The following LTN1 variants were observed in gnomAD, a reference collection of about 807,000 sequenced individuals.
LTN1 encodes listerin E3 ubiquitin protein ligase 1.
Under a neutral mutation model 201.2 loss-of-function variants are expected in LTN1, and 88 were observed. The ratio of observed to expected loss-of-function variants is 0.44; its 90% confidence interval spans 0.37 to 0.52. LTN1 has a LOEUF of 0.52. Among genes scored for constraint, LTN1 ranks in the 20% least tolerant of loss-of-function variants. LTN1 has a pLI of 0.00. For missense variants in LTN1, 1,752 were observed against 2,038.7 expected (o/e 0.86, Z 2.71); for synonymous variants, 645 against 713.5 (o/e 0.90, Z 1.53).
At chr21:28,961,313 T>G (rs188055831) in intron 11 of LTN1, 1 of 153,324 alleles carries the variant, frequency 6.5e-6, no homozygotes, top group African/African-American at 2.4e-5. Flanking sequence ...TAATGGTAAA[T>G]TACTTCAATA....
chr21:28,980,276 G>A (rs1041534897), intron 6 of LTN1, among the ~76,000 whole-genome samples: 13 of 151,144 alleles, frequency 8.6e-5, no homozygotes, highest in African/African-American at 1.5e-4. Flanking sequence ...AGTTAGATAC[G>A]CTTTATCCAG....
rs1340327076 is a variant in LTN1, at chr21:28,943,779, C to T, written c.4108G>A (p.Asp1370Asn). The T allele has an allele frequency of 3.7e-6, 6 of 1,613,598 alleles. No individual in the cohort carries two copies. Among genetic ancestry groups the T allele is most frequent in the Non-Finnish European group, 4.2e-6 (5 of 1,179,808 alleles). ...TATTCTGGTAAGTTTGTTTTTTGGTCAGCAACTAATCTTGCAGGAAGTTTG... is the reference window on the plus strand; with the variant it reads ...TATTCTGGTAAGTTTGTTTTTTGGTTAGCAACTAATCTTGCAGGAAGTTTG... ...SHKLPARLVA[D>N]QKTNLPEYLQ... is the part of the protein sequence containing the mutation. Residue 1370 changes from aspartate to asparagine, a missense_variant, in exon 23 of 30, where the codon GAC becomes AAC. Physicochemically the swap from Asp to Asn is conservative, Grantham distance 23. Coordinates refer to ENST00000361371, the MANE Select transcript of LTN1 (RefSeq NM_015565.3).
intron 25 of LTN1, among the ~76,000 whole-genome samples, chr21:28,937,334 T>C (rs748883341): frequency 3.9e-5 from 6 of 152,234 alleles, no homozygotes; most frequent in Non-Finnish European, 7.3e-5. Context: ...ATTTCTACTA[T>C]ATCACATATC....
In LTN1 at chr21:28,965,920, A is replaced by G. The variant is rs1433624657; in HGVS notation, c.2122-14T>C. The G allele has an allele frequency of 2.6e-6, 4 of 1,515,430 alleles. No individual in the cohort carries two copies. The highest frequency in any genetic ancestry group is 2.8e-5 in the African/African-American group (2 of 71,582). The allele number at this position is 1,515,430 out of a possible 1,614,324, so 93.9% of individuals were successfully genotyped here. On this transcript the variant is annotated splice_polypyrimidine_tract_variant and intron_variant, in intron 10 of 29. Transcript: ENST00000361371. Reference sequence around the variant, plus strand: ...TTTCAAGTCCACCTGAAAAAAGAAAAAGAGTTAGAAACAATCTGCTAGAAC... The same window carrying G: ...TTTCAAGTCCACCTGAAAAAAGAAAGAGAGTTAGAAACAATCTGCTAGAAC...
chr21:28,931,195 G>A lies in LTN1; in HGVS notation c.5198C>T (p.Ala1733Val). ...GAATTTTTTCTTGCATGTTCTACAG[G>A]CTTTTTTGGGAAGGGAATAGTTGAA... ...HGFNYSLPKKACRTCKKKFHS... is the reference protein window; with the variant it reads ...HGFNYSLPKKVCRTCKKKFHS... Residue 1733 changes from alanine (A) to valine (V), a missense_variant, in exon 29 of 30, where the codon GCC becomes GTC. This residue lies in a region of LTN1 where 261 missense variants were observed against 350.1 expected (regional missense o/e 0.75). Transcript: ENST00000361371. 2 of 1,613,010 alleles carry A rather than the reference G, an allele frequency of 1.2e-6. No homozygotes were observed. Among genetic ancestry groups the A allele is most frequent in the Non-Finnish European group, 1.7e-6 (2 of 1,179,572 alleles).
At chr21:28,945,078 C>T (rs904338904) in intron 21 of LTN1, among the ~76,000 whole-genome samples, 2 of 152,010 alleles carry the variant, frequency 1.3e-5, no homozygotes, top group Non-Finnish European at 2.9e-5. Context: ...AAAAATTAGT[C>T]GTGCATGCTG....
chr21:28,988,003 C>T (rs1337739459), intron 1 of LTN1, among the ~76,000 whole-genome samples: 2 of 151,952 alleles, frequency 1.3e-5, no homozygotes, highest in East Asian at 1.9e-4. Context: ...ATTAACTGGG[C>T]GTGGTGGCGC....
rs769962203 is a variant in LTN1, at chr21:28,943,650, A to G, written c.4220+17T>C. ...TTTAGACCACTGTAACATTGATTCA[A>G]TTGGATGAATTCTTACTTGTATAGC... On this transcript the variant is annotated intron_variant, in intron 23 of 29. Coordinates refer to ENST00000361371, the MANE Select transcript of LTN1 (RefSeq NM_015565.3). 11 of 1,512,348 alleles carry G rather than the reference A, an allele frequency of 7.3e-6. No homozygotes were observed. In the South Asian group the frequency reaches 1.0e-4, roughly 14 times the overall value. 93.7% of individuals were successfully genotyped at this position (1,512,348 alleles called of 1,614,324 possible). A position where few individuals can be genotyped will look rare whatever the true frequency, so the allele number is the denominator to read the frequency against.
In LTN1 at chr21:28,978,344, T is replaced by C. The variant is rs181777352; in HGVS notation, c.810+2775A>G. Among the ~76,000 whole-genome samples the C allele has an allele frequency of 1.8e-3, 276 of 152,286 alleles. 5 individuals carry two copies. The highest frequency in any genetic ancestry group is 6.1e-3 in the African/African-American group (252 of 41,554). On this transcript the variant is annotated intron_variant, in intron 6 of 29. Coordinates refer to ENST00000361371, the MANE Select transcript of LTN1 (RefSeq NM_015565.3). Reference sequence around the variant, plus strand: ...ACTGTGCCCAGCAATATATAAGAACTTAATGTCTTGTAACGGCATGACCAC... The same window carrying C: ...ACTGTGCCCAGCAATATATAAGAACCTAATGTCTTGTAACGGCATGACCAC...
intron 9 of LTN1, among the ~76,000 whole-genome samples, chr21:28,968,415 TATA>T (rs1456602627): frequency 1.3e-5 from 2 of 152,188 alleles, no homozygotes; most frequent in African/African-American, 4.8e-5. Flanking sequence ...CCTGGGCTTC[TATA>T]ATCTCACTAA....
intron 28 of LTN1, 130 bp from the exon 29 acceptor site, chr21:28,931,452 T>TC: frequency 3.5e-6 from 2 of 578,764 alleles, no homozygotes; most frequent in Non-Finnish European, 6.0e-6. Flanking sequence ...TGTTCATGTC[T>TC]CCCAACTTAT....
At chr21:28,941,595 T>C (rs139058407) in intron 24 of LTN1, among the ~76,000 whole-genome samples, 189 bp from the exon 25 acceptor site, 1 of 152,270 alleles carries the variant, frequency 6.6e-6, no homozygotes, top group African/African-American at 2.4e-5. Flanking sequence ...AAAGACATAT[T>C]ATAGCACTTG....
At chr21:28,957,229 T>A in intron 15 of LTN1, 103 bp downstream of exon 15, 2 of 1,177,224 alleles carry the variant, frequency 1.7e-6, no homozygotes, top group Admixed American at 5.0e-5. Flanking sequence ...CAAAGCAAAA[T>A]ACTCATTTTA....
chr21:28,959,396 C>T, intron 13 of LTN1, 62 bp downstream of exon 13: 2 of 1,551,678 alleles, frequency 1.3e-6, no homozygotes, highest in South Asian at 2.5e-5. Context: ...TGGGCACTTA[C>T]ACTCACTATG....
chr21:28,981,119 C>T lies in LTN1; in HGVS notation c.810G>A (p.Gln270=), dbSNP rs2084655199. 1 of 1,522,026 alleles carries T rather than the reference C, an allele frequency of 6.6e-7. No homozygotes were observed. Among genetic ancestry groups the T allele is most frequent in the East Asian group, 2.3e-5 (1 of 42,624 alleles). 94.3% of individuals were successfully genotyped at this position (1,522,026 alleles called of 1,614,324 possible). The part of the protein sequence containing the change: ...FWKYGKHSVP[Q]IRSAYFELVS... The stretch of plus-strand genomic sequence containing the variant: ...CTTAAGATAAAAAAGATTAATATAC[C>T]TGAGGTACACTGTGTTTTCCATACT... The change falls in exon 6 of 30, where the codon CAG becomes CAA. Residue 270 remains glutamine, a splice_region_variant and synonymous_variant. Coordinates refer to ENST00000361371, the MANE Select transcript of LTN1 (RefSeq NM_015565.3).
At chr21:28,991,330 A>C (rs2084744323) in intron 1 of LTN1, among the ~76,000 whole-genome samples, 1 of 152,052 alleles carries the variant, frequency 6.6e-6, no homozygotes, top group African/African-American at 2.4e-5. Context: ...TATTGGGATA[A>C]CTACAGAAGT....
chr21:28,943,388 G>T, intron 23 of LTN1, 52 bp from the exon 24 acceptor site: 2 of 1,145,830 alleles, frequency 1.7e-6, no homozygotes, highest in Non-Finnish European at 2.6e-6. Context: ...TGTTTATTAA[G>T]TCGTGCTCAA....
intron 28 of LTN1, among the ~76,000 whole-genome samples, chr21:28,931,971 T>G (rs2084214270): frequency 6.6e-6 from 1 of 152,082 alleles, no homozygotes; most frequent in African/African-American, 2.4e-5. Context: ...CCATTGCACT[T>G]CAGCCTGGGC....
intron 11 of LTN1, 84 bp downstream of exon 11, chr21:28,965,781 T>A: frequency 1.3e-6 from 1 of 757,612 alleles, no homozygotes; most frequent in Non-Finnish European, 2.1e-6. Context: ...TCTGACCATA[T>A]TTATTGTGTA....
Sources: gnomAD v4.1 joint callset for allele counts (sites outside exome capture counted in the v4.1 genomes callset) on GRCh38, gnomAD v4.1.1 for gene constraint, gnomAD v4.1.1 regional missense constraint, MANE v1.5 for transcripts, NCBI Gene and HGNC (gene_info 2026-07-23, HGNC 2026-07-21) for gene names.